Variants in VWA3B observed in about 807,000 individuals in gnomAD.
VWA3B encodes von Willebrand factor A domain-containing protein 3B.
VWA3B carries 138 observed loss-of-function variants against 158.3 expected under a neutral mutation model. The observed-to-expected ratio is 0.87, with a 90% CI of 0.76 to 1.00. The LOEUF (loss-of-function observed/expected upper bound fraction) is 1.00, where lower values mean the gene tolerates loss of function less well. VWA3B is among the 50% of genes least tolerant of loss of function. The pLI, the probability that VWA3B is intolerant of heterozygous loss-of-function variation, is 0.00. For missense variants in VWA3B, 1,555 were observed against 1,565.1 expected, an observed-to-expected ratio of 0.99 and a Z score of 0.11; for synonymous variants, 596 against 587.3, an observed-to-expected ratio of 1.01 and a Z score of -0.21.
At chr2:98,163,710 AGAG>A (rs1678838657) in intron 8 of VWA3B, among the ~76,000 whole-genome samples, 1 of 152,178 alleles carries the variant, frequency 6.6e-6, no homozygotes, top group African/African-American at 2.4e-5. Context: ...AAAATTATTA[AGAG>A]GAGATGTTAA....
chr2:98,199,082 G>A (rs537047823), intron 12 of VWA3B, among the ~76,000 whole-genome samples: 23 of 76,314 alleles, frequency 3.0e-4, no homozygotes, highest in African/African-American at 1.1e-3. Flanking sequence ...GCGAGACTCC[G>A]TCTCAAAAAA....
intron 19 of VWA3B, among the ~76,000 whole-genome samples, chr2:98,237,799 T>C (rs943519078): frequency 1.3e-5 from 2 of 152,212 alleles, no homozygotes; most frequent in African/African-American, 4.8e-5. Flanking sequence ...TGTCTCATGC[T>C]GAAATCTTTG....
rs1690978382 is a variant in VWA3B, at chr2:98,312,571, G to GT, written c.*226dup. 2 of 543,100 alleles carry GT rather than the reference G, an allele frequency of 3.7e-6. No individual in the cohort carries two copies. The highest frequency in any genetic ancestry group is 6.8e-5 in the South Asian group (2 of 29,406). The allele number at this position is 543,100 out of a possible 1,614,324, so 33.6% of individuals were successfully genotyped here. On this transcript the variant is annotated 3_prime_UTR_variant, in exon 28 of 28. Coordinates refer to ENST00000477737, the MANE Select transcript of VWA3B (RefSeq NM_144992.5). The stretch of plus-strand genomic sequence containing the variant: ...GCTTTTTCTGACTGTTCTTTATCCT[G>GT]TTTTCCCCCTGCACTCACAAAATTG...
At chr2:98,253,230 C>G (rs1255690893) in intron 20 of VWA3B, among the ~76,000 whole-genome samples, 1 of 152,038 alleles carries the variant, frequency 6.6e-6, no homozygotes, top group Non-Finnish European at 1.5e-5. Context: ...CACCCCCATC[C>G]CCTATATAAC....
At chr2:98,117,455 T>C (rs1674618722) in intron 3 of VWA3B, among the ~76,000 whole-genome samples, 1 of 152,166 alleles carries the variant, frequency 6.6e-6, no homozygotes, top group Non-Finnish European at 1.5e-5. Flanking sequence ...CTCTGGCCCC[T>C]TGAGGTCGAA....
intron 24 of VWA3B, among the ~76,000 whole-genome samples, chr2:98,299,640 G>A (rs910859438): frequency 6.6e-6 from 1 of 152,184 alleles, no homozygotes; most frequent in African/African-American, 2.4e-5. Context: ...CTCCGTTTGC[G>A]ACTTTTACCC....
At chr2:98,264,012 A>G (rs1242346617) in intron 21 of VWA3B, among the ~76,000 whole-genome samples, 1 of 151,514 alleles carries the variant, frequency 6.6e-6, no homozygotes, top group East Asian at 1.9e-4. Flanking sequence ...TGGTTATGCA[A>G]TTTGTCGGTG....
At chr2:98,173,957 A>C (rs962239824) in intron 8 of VWA3B, among the ~76,000 whole-genome samples, 5 of 144,070 alleles carry the variant, frequency 3.5e-5, no homozygotes, top group African/African-American at 1.2e-4. Context: ...ACAGAGCGAG[A>C]CTCTGTCTCA....
chr2:98,178,958 C>T (rs1427601034), intron 8 of VWA3B, among the ~76,000 whole-genome samples: 1 of 152,188 alleles, frequency 6.6e-6, no homozygotes, highest in African/African-American at 2.4e-5. Flanking sequence ...CTCCCGTGGT[C>T]CCAGTGGGGC....
At chr2:98,163,278 A>C (rs1302526396) in intron 8 of VWA3B, among the ~76,000 whole-genome samples, 1 of 152,088 alleles carries the variant, frequency 6.6e-6, no homozygotes, top group Non-Finnish European at 1.5e-5. Flanking sequence ...GGTGGCTCAC[A>C]CCTGTTACCC....
chr2:98,236,068 AG>A (rs1186853914), intron 17 of VWA3B, among the ~76,000 whole-genome samples: 1 of 152,206 alleles, frequency 6.6e-6, no homozygotes, highest in Non-Finnish European at 1.5e-5. Context: ...GGAGTCCAAA[AG>A]GTCAATATTG....
intron 8 of VWA3B, among the ~76,000 whole-genome samples, chr2:98,172,091 G>T (rs115878773): frequency 3.3e-5 from 5 of 152,362 alleles, no homozygotes; most frequent in African/African-American, 1.2e-4. Flanking sequence ...GGCAGCTTGT[G>T]TTAACCAGCT....
intron 12 of VWA3B, among the ~76,000 whole-genome samples, chr2:98,194,708 TCA>T (rs1411994116): frequency 2.0e-5 from 3 of 152,210 alleles, no homozygotes; most frequent in Admixed American, 6.5e-5. Context: ...TCTTATCTAC[TCA>T]CAGTTCTCTA....
At chr2:98,261,586 G>C (rs1370461682) in intron 21 of VWA3B, among the ~76,000 whole-genome samples, 2 of 151,590 alleles carry the variant, frequency 1.3e-5, no homozygotes, top group Admixed American at 6.6e-5. Flanking sequence ...TTTTAGGACA[G>C]GTCTACTAGT....
chr2:98,290,710 A>G, intron 23 of VWA3B, 88 bp downstream of exon 23: 1 of 919,412 alleles, frequency 1.1e-6, no homozygotes, highest in Non-Finnish European at 1.7e-6. Flanking sequence ...TTTTGCTAGA[A>G]CACTGACATT....
intron 7 of VWA3B, among the ~76,000 whole-genome samples, chr2:98,151,676 C>A (rs1054465594): frequency 1.3e-5 from 2 of 152,212 alleles, no homozygotes; most frequent in African/African-American, 2.4e-5. Flanking sequence ...GGATTCAAAT[C>A]TGAGTTTTGC....
At position 98,106,672 on chromosome 2, in the gene VWA3B, A is replaced by G. The variant is rs534312136; in HGVS notation, c.197-8980A>G. ...AGTTGTAGATGGAATTGTATTTTAA[A>G]TTTTGGTTTTCACATGTTCATTCCT... is the stretch of plus-strand genomic sequence containing the variant. On this transcript the variant is annotated intron_variant, in intron 2 of 27. Transcript: ENST00000477737. Among the ~76,000 whole-genome samples the G allele has an allele frequency of 8.5e-5, 13 of 152,206 alleles. No homozygotes were observed. In the East Asian group the frequency reaches 2.3e-3, roughly 27 times the overall value.
intron 22 of VWA3B, among the ~76,000 whole-genome samples, chr2:98,276,331 G>A (rs1183122829): frequency 2.4e-4 from 37 of 152,218 alleles, no homozygotes; most frequent in Admixed American, 2.4e-3. Flanking sequence ...AAACTTTGGT[G>A]TGTGAAGCTC....
rs149391755 is a variant in VWA3B, at chr2:98,112,444, T to C, written c.197-3208T>C. Among the ~76,000 whole-genome samples the C allele has an allele frequency of 4.7e-3, 710 of 152,124 alleles. 7 individuals carry two copies. The highest frequency in any genetic ancestry group is 0.017 in the African/African-American group (688 of 41,530). ...GAATTACTGGTTGAAGTTTTTTTTT[T>C]CTGACCTTTAAATATGTCAAGCCAT... On this transcript the variant is annotated intron_variant, in intron 2 of 27. Transcript: ENST00000477737.
Sources: gnomAD v4.1 joint callset for allele counts (sites outside exome capture counted in the v4.1 genomes callset) on GRCh38, gnomAD v4.1.1 for gene constraint, MANE v1.5 for transcripts, NCBI Gene and HGNC (gene_info 2026-07-23, HGNC 2026-07-21) for gene names.